ARK2N: variants seen among roughly 807,000 people sequenced by gnomAD.
ARK2N encodes arkadia (RNF111) N-terminal like PKA signaling regulator 2N.
chr18:46,244,439 G>A, the ARK2N span, among the ~76,000 whole-genome samples: 1 of 151,950 alleles, frequency 6.6e-6, no homozygotes, highest in East Asian at 1.9e-4. Context: ...TCCCTAACAT[G>A]GTGGCAGTAC....
chr18:46,191,612 A>C, the ARK2N span, among the ~76,000 whole-genome samples: 2 of 152,158 alleles, frequency 1.3e-5, no homozygotes, highest in African/African-American at 4.8e-5. Flanking sequence ...TGCCAAGTAA[A>C]ATATCTCCCA....
the ARK2N span, among the ~76,000 whole-genome samples, chr18:46,246,224 A>T: frequency 6.6e-6 from 1 of 151,850 alleles, no homozygotes; most frequent in South Asian, 2.1e-4. Context: ...AATCCTGTGA[A>T]GTCCTCCATG....
the ARK2N span, among the ~76,000 whole-genome samples, chr18:46,201,676 GT>G: frequency 3.2e-4 from 48 of 151,256 alleles, no homozygotes; most frequent in African/African-American, 9.7e-5. Flanking sequence ...GTTGGCAGGT[GT>G]TTTTTTTCCC....
At chr18:46,213,078 T>G in the ARK2N span, among the ~76,000 whole-genome samples, 1 of 137,340 alleles carries the variant, frequency 7.3e-6, no homozygotes, top group Non-Finnish European at 1.5e-5. Context: ...CTCGGCTCAC[T>G]GCAAGCTCCA....
At chr18:46,224,059 A>G in the ARK2N span, among the ~76,000 whole-genome samples, 1 of 152,178 alleles carries the variant, frequency 6.6e-6, no homozygotes, top group Non-Finnish European at 1.5e-5. Context: ...AATTATATAT[A>G]TATGGGGCCA....
the ARK2N span, chr18:46,218,306 T>A: frequency 6.6e-6 from 1 of 152,228 alleles, no homozygotes; most frequent in Admixed American, 6.5e-5. Context: ...TCTTCTGAAT[T>A]GTGTACTAAC....
At chr18:46,190,258 G>C in the ARK2N span, among the ~76,000 whole-genome samples, 1 of 152,048 alleles carries the variant, frequency 6.6e-6, no homozygotes, top group South Asian at 2.1e-4. Flanking sequence ...GGTGGCTCAC[G>C]CCTGTAATCC....
the ARK2N span, among the ~76,000 whole-genome samples, chr18:46,253,332 T>C: frequency 2.0e-5 from 3 of 152,184 alleles, no homozygotes; most frequent in Non-Finnish European, 2.9e-5. Context: ...TGACTGGAGT[T>C]GAATGCAAAA....
the ARK2N span, among the ~76,000 whole-genome samples, chr18:46,238,858 G>A: frequency 2.0e-5 from 3 of 152,066 alleles, no homozygotes; most frequent in African/African-American, 7.2e-5. Flanking sequence ...TGATTCATTG[G>A]CACAGATGCA....
At chr18:46,214,974 A>G in the ARK2N span, among the ~76,000 whole-genome samples, 1 of 152,146 alleles carries the variant, frequency 6.6e-6, no homozygotes, top group Non-Finnish European at 1.5e-5. Flanking sequence ...TTGGTTGCTC[A>G]TTTGCCAAAT....
At chr18:46,224,964 C>T in the ARK2N span, among the ~76,000 whole-genome samples, 2 of 152,160 alleles carry the variant, frequency 1.3e-5, no homozygotes, top group Non-Finnish European at 2.9e-5. Flanking sequence ...TGAAGGAGTG[C>T]CCAGGGAAGT....
chr18:46,250,853 C>T, the ARK2N span, among the ~76,000 whole-genome samples: 3 of 152,154 alleles, frequency 2.0e-5, no homozygotes, highest in African/African-American at 7.2e-5. Context: ...CCTTAAAGGA[C>T]AACAGAATGT....
chr18:46,246,941 C>CAA, the ARK2N span, among the ~76,000 whole-genome samples: 651 of 84,416 alleles, frequency 7.7e-3, 2 homozygotes, highest in African/African-American at 0.021. Flanking sequence ...AACTCCATTT[C>CAA]AAAAAAAAAA....
chr18:46,210,121 G>T, the ARK2N span, among the ~76,000 whole-genome samples: 1 of 152,200 alleles, frequency 6.6e-6, no homozygotes, highest in Non-Finnish European at 1.5e-5. Context: ...TGCCTGCTAT[G>T]TAGAGAACAG....
At chr18:46,214,281 C>T in the ARK2N span, among the ~76,000 whole-genome samples, 1 of 152,146 alleles carries the variant, frequency 6.6e-6, no homozygotes, top group Non-Finnish European at 1.5e-5. Context: ...TGCCATATTG[C>T]ACCTAGCATA....
chr18:46,185,050 C>G, the ARK2N span, among the ~76,000 whole-genome samples: 2 of 152,290 alleles, frequency 1.3e-5, no homozygotes, highest in South Asian at 4.1e-4. Flanking sequence ...TGTGAGAAAT[C>G]ATGTTGATTC....
the ARK2N span, among the ~76,000 whole-genome samples, chr18:46,199,657 T>A: frequency 6.6e-6 from 1 of 152,092 alleles, no homozygotes. Context: ...CTGTAGGAGA[T>A]TTGGAGAGTG....
chr18:46,220,477 T>G, the ARK2N span, among the ~76,000 whole-genome samples: 2 of 152,242 alleles, frequency 1.3e-5, no homozygotes, highest in Non-Finnish European at 2.9e-5. Flanking sequence ...AAAATATTTT[T>G]AAGTGACAAA....
the ARK2N span, among the ~76,000 whole-genome samples, chr18:46,221,113 G>GT: frequency 1.6e-3 from 240 of 152,282 alleles, 1 homozygote; most frequent in African/African-American, 5.7e-3. Flanking sequence ...TCCAGCCTGG[G>GT]TGACAGAGCG....
Sources: gnomAD v4.1 joint callset for allele counts (sites outside exome capture counted in the v4.1 genomes callset) on GRCh38, gnomAD v4.1.1 for gene constraint, MANE v1.5 for transcripts, NCBI Gene and HGNC (gene_info 2026-07-23, HGNC 2026-07-21) for gene names.